The following ITGAE variants were observed in gnomAD, a reference collection of about 807,000 sequenced individuals.
ITGAE encodes the protein integrin subunit alpha E.
A neutral mutation model predicts 136.5 loss-of-function variants in ITGAE; 99 were observed. The ratio of observed to expected loss-of-function variants is 0.73; its 90% confidence interval spans 0.62 to 0.86. The LOEUF is 0.86. Among genes scored for constraint, ITGAE ranks in the 40% least tolerant of loss-of-function variants. The pLI, the probability that ITGAE is intolerant of heterozygous loss-of-function variation, is 0.00. For missense variants in ITGAE, 1,447 were observed against 1,515.3 expected, an observed-to-expected ratio of 0.95 and a Z score of 0.75; for synonymous variants, 613 against 591.8, an observed-to-expected ratio of 1.04 and a Z score of -0.52.
chr17:3,777,643 C>A lies in ITGAE; in HGVS notation c.52G>T (p.Ala18Ser). 6.2e-7 allele frequency: 1 copy of A among 1,613,124 alleles called. No individual in the cohort carries two copies. Among genetic ancestry groups the A allele is most frequent in the Non-Finnish European group, 8.5e-7 (1 of 1,179,568 alleles). The change falls in exon 2 of 31, where the codon GCT becomes TCT. Residue 18 changes from alanine to serine, a missense_variant. Physicochemically the swap from Ala to Ser is moderately conservative, Grantham distance 99 (BLOSUM62 1). Transcript: ENST00000263087. ...GGCCGGGCCACATCCACATTGAAAG[C>A]GGCCAGCAGGGCCAGGCCTGTAGGG... ...LCIASLALLA[A>S]FNVDVARPWL...
At position 3,732,320 on chromosome 17, in the gene ITGAE, G is replaced by A. The variant is rs758203372; in HGVS notation, c.2754+48C>T. The stretch of plus-strand genomic sequence containing the variant: ...GAGATGAGACCAAGATGCAGAAGAC[G>A]CCAACTGCAGGGTGGTGAGAAGAGC... On this transcript the variant is annotated intron_variant, in intron 22 of 30. Transcript: ENST00000263087. 1.2e-5 allele frequency: 16 copies of A among 1,383,730 alleles called. 1 individual carries two copies. Among genetic ancestry groups the A allele is most frequent in the South Asian group, 8.1e-5 (7 of 86,138 alleles). 85.7% of individuals were successfully genotyped at this position (1,383,730 alleles called of 1,614,324 possible).
intron 4 of ITGAE, among the ~76,000 whole-genome samples, 175 bp downstream of exon 4, chr17:3,761,740 G>C (rs1242683960): frequency 6.6e-6 from 1 of 152,206 alleles, no homozygotes; most frequent in Non-Finnish European, 1.5e-5. Context: ...ACCTAGGTCA[G>C]CCCTGGTATC....
Position 3,720,341 on chromosome 17 carries a change from T to C in ITGAE, c.3299A>G (p.Tyr1100Cys). 1 of 1,591,534 alleles carries C rather than the reference T, an allele frequency of 6.3e-7. No homozygotes were observed. Among genetic ancestry groups the C allele is most frequent in the Non-Finnish European group, 8.6e-7 (1 of 1,159,408 alleles). ...LGEISFNKSLYEGLNAENHRT... is the reference protein window; with the variant it reads ...LGEISFNKSLCEGLNAENHRT... ...GTGGTTCTCTGCATTCAGTCCCTCATATAGAGATTTGTTGAAAGATATTTC... is the reference window on the plus strand; with the variant it reads ...GTGGTTCTCTGCATTCAGTCCCTCACATAGAGATTTGTTGAAAGATATTTC... Residue 1100 changes from tyrosine to cysteine, a missense_variant, in exon 29 of 31, where the codon TAT (tyrosine) becomes TGT (cysteine). Physicochemically the swap from Tyr to Cys is radical, Grantham distance 194. Coordinates refer to ENST00000263087, the MANE Select transcript of ITGAE (RefSeq NM_002208.5).
intron 2 of ITGAE, among the ~76,000 whole-genome samples, chr17:3,767,673 G>C (rs1256462990): frequency 3.9e-5 from 6 of 152,128 alleles, no homozygotes; most frequent in African/African-American, 1.4e-4. Flanking sequence ...GTCCAGGCTG[G>C]AGTGCAGTAG....
At chr17:3,746,859 G>A (rs2051729586) in intron 17 of ITGAE, among the ~76,000 whole-genome samples, 1 of 152,190 alleles carries the variant, frequency 6.6e-6, no homozygotes, top group Non-Finnish European at 1.5e-5. Flanking sequence ...CCAAAGTGCT[G>A]GGATTACAGG....
At chr17:3,735,463 G>A (rs2051440356) in intron 20 of ITGAE, among the ~76,000 whole-genome samples, 1 of 152,010 alleles carries the variant, frequency 6.6e-6, no homozygotes, top group African/African-American at 2.4e-5. Context: ...CACCCAGCCT[G>A]GCCAATGTGC....
At chr17:3,761,774 C>T in intron 4 of ITGAE, 141 bp downstream of exon 4, 1 of 770,582 alleles carries the variant, frequency 1.3e-6, no homozygotes, top group African/African-American at 1.7e-5. Flanking sequence ...CTACAGTCAG[C>T]CCTGGGGTTG....
intron 24 of ITGAE, 28 bp from the exon 25 acceptor site, chr17:3,728,196 C>G (rs1567515425): frequency 6.4e-7 from 1 of 1,563,446 alleles, no homozygotes; most frequent in Non-Finnish European, 8.8e-7. Context: ...TGCGTCAGCC[C>G]TTGAGGAGTC....
At chr17:3,754,982 C>T (rs2051972311) in intron 12 of ITGAE, 135 bp downstream of exon 12, 2 of 1,017,912 alleles carry the variant, frequency 2.0e-6, no homozygotes, top group Non-Finnish European at 2.6e-6. Context: ...ACCCAGGTAG[C>T]CCCCAGGCCC....
intron 24 of ITGAE, among the ~76,000 whole-genome samples, chr17:3,728,940 G>A (rs1443233399): frequency 6.6e-6 from 1 of 151,844 alleles, no homozygotes; most frequent in Non-Finnish European, 1.5e-5. Flanking sequence ...GGAGGCTGAG[G>A]CAGGAGAATC....
chr17:3,750,721 G>C (rs2051845156), intron 15 of ITGAE, among the ~76,000 whole-genome samples: 1 of 151,964 alleles, frequency 6.6e-6, no homozygotes, highest in African/African-American at 2.4e-5. Context: ...CATGGGGAAA[G>C]AGCAGGGCCT....
rs1328074131 is a variant in ITGAE, at chr17:3,785,549, A to AGGACGGAC, written c.35-7890_35-7889insGTCCGTCC. 1.2e-3 allele frequency among the ~76,000 whole-genome samples: 176 copies of AGGACGGAC among 149,520 alleles called. 6 individuals are homozygous for AGGACGGAC. The highest frequency in any genetic ancestry group is 0.01 in the Middle Eastern group (3 of 292). On this transcript the variant is annotated intron_variant, in intron 1 of 30. Coordinates refer to ENST00000263087, the MANE Select transcript of ITGAE (RefSeq NM_002208.5). ...AAGGAAGGAAGGAAGGAAGGAAGGA[A>AGGACGGAC]GGAAGGAAAACTAGAAAAATCTGAA...
chr17:3,764,558 A>G (rs1403887648), intron 2 of ITGAE, among the ~76,000 whole-genome samples: 3 of 152,116 alleles, frequency 2.0e-5, no homozygotes, highest in South Asian at 2.1e-4. Flanking sequence ...TTAGCCGGGC[A>G]TGGTGGCGTG....
Position 3,714,833 on chromosome 17 carries a change from G to A in ITGAE, c.*14C>T, listed in dbSNP as rs754589719. On this transcript the variant is annotated 3_prime_UTR_variant, in exon 31 of 31. Coordinates refer to ENST00000263087, the MANE Select transcript of ITGAE (RefSeq NM_002208.5). ...CAGGACTGGCTGATAGCCTCTCCCA[G>A]TGGATAGCAGGTCCTAATTCTCTTC... The A allele has an allele frequency of 2.0e-6, 3 of 1,525,924 alleles. No homozygotes were observed. The highest frequency in any genetic ancestry group is 4.5e-5 in the East Asian group (2 of 44,428). 94.5% of individuals were successfully genotyped at this position (1,525,924 alleles called of 1,614,324 possible). A position where few individuals can be genotyped will look rare whatever the true frequency, so the allele number is the denominator to read the frequency against.
chr17:3,719,838 G>A (rs1393584923), intron 29 of ITGAE, among the ~76,000 whole-genome samples: 1 of 151,658 alleles, frequency 6.6e-6, no homozygotes, highest in Non-Finnish European at 1.5e-5. Flanking sequence ...AGCGATTCTC[G>A]TGCCTCAGCC....
intron 20 of ITGAE, 66 bp downstream of exon 20, chr17:3,739,739 G>T: frequency 2.2e-6 from 3 of 1,369,696 alleles, no homozygotes; most frequent in Non-Finnish European, 3.1e-6. Flanking sequence ...TCCTAATGAA[G>T]GAATTGCCCA....
intron 1 of ITGAE, among the ~76,000 whole-genome samples, chr17:3,780,019 G>C (rs2052627439): frequency 6.6e-6 from 1 of 152,122 alleles, no homozygotes; most frequent in Admixed American, 6.6e-5. Flanking sequence ...TGTTGCCCAG[G>C]CTGGAGTGCA....
intron 30 of ITGAE, among the ~76,000 whole-genome samples, chr17:3,715,507 G>A (rs1422881502): frequency 6.6e-6 from 1 of 152,166 alleles, no homozygotes; most frequent in African/African-American, 2.4e-5. Flanking sequence ...GACAAGAAAA[G>A]CAGCCTACGC....
chr17:3,797,157 A>AT lies in ITGAE; in HGVS notation c.34+3953dup, dbSNP rs56101818. On this transcript the variant is annotated intron_variant, in intron 1 of 30. Transcript: ENST00000263087. ...GGAAACTAAATATATATATATATAT[A>AT]TTTTTTTTTTTTTTTTTTTTTTTTT... Among the ~76,000 whole-genome samples the AT allele has an allele frequency of 6.0e-4, 57 of 94,406 alleles. 1 individual carries two copies. In the East Asian group the frequency reaches 7.4e-3, roughly 12 times the overall value. The allele number at this position is 94,406 out of a possible 152,430, so 61.9% of individuals were successfully genotyped here.
Sources: allele counts gnomAD v4.1 joint callset (sites outside exome capture counted in the v4.1 genomes callset), GRCh38; gene constraint gnomAD v4.1.1; transcripts MANE v1.5; gene names NCBI Gene and HGNC (gene_info 2026-07-23, HGNC 2026-07-21).